Variants in TGM6 observed in about 807,000 individuals in gnomAD.
TGM6 encodes transglutaminase 6, also known as protein-glutamine gamma-glutamyltransferase 6.
A neutral mutation model predicts 77.5 loss-of-function variants in TGM6; 74 were observed. The ratio of observed to expected loss-of-function variants is 0.96; its 90% CI spans 0.79 to 1.16. TGM6 has a LOEUF of 1.16. Ranked by LOEUF, TGM6 falls within the 50% of genes most tolerant of loss-of-function variation. The probability of loss-of-function intolerance (pLI) is 0.00; values close to 1 mark genes in which losing one functional copy is unlikely to be tolerated. For missense variants in TGM6, 968 were observed against 940.2 expected (o/e 1.03, Z -0.39); for synonymous variants, 383 against 378.9 (o/e 1.01, Z -0.12).
chr20:2,382,521 A>C (rs189510406), intron 1 of TGM6, among the ~76,000 whole-genome samples: 1 of 152,318 alleles, frequency 6.6e-6, no homozygotes, highest in African/African-American at 2.4e-5. Context: ...GTCTGTAACT[A>C]ACTTGCTGGG....
At chr20:2,413,244 A>G (rs2084795385) in intron 9 of TGM6, among the ~76,000 whole-genome samples, 1 of 152,134 alleles carries the variant, frequency 6.6e-6, no homozygotes, top group South Asian at 2.1e-4. Flanking sequence ...GGACGACTTC[A>G]TCTCTACAAA....
chr20:2,409,706 T>A (rs1397434875), intron 9 of TGM6, among the ~76,000 whole-genome samples: 1 of 143,502 alleles, frequency 7.0e-6, no homozygotes, highest in African/African-American at 2.6e-5. Flanking sequence ...AGCGAGACTG[T>A]CTCAAAAAAA....
intron 7 of TGM6, among the ~76,000 whole-genome samples, chr20:2,402,998 GAGTAGGTCTATAGGGGTTGTT>G (rs1260773251): frequency 6.6e-6 from 1 of 152,114 alleles, no homozygotes; most frequent in Non-Finnish European, 1.5e-5. Flanking sequence ...CATTTACCTA[GAGTAGGTCTATAGGGGTTGTT>G]CTCTAGCTTA....
At chr20:2,417,726 G>A (rs948412427) in intron 10 of TGM6, among the ~76,000 whole-genome samples, 153 bp downstream of exon 10, 16 of 152,132 alleles carry the variant, frequency 1.1e-4, no homozygotes, top group Non-Finnish European at 2.2e-4. Context: ...CTCTTGTCCC[G>A]ACTTTACAGA....
In TGM6 at chr20:2,399,943, C is replaced by T. The variant is rs372786739; in HGVS notation, c.850+205C>T. 1.6e-4 allele frequency among the ~76,000 whole-genome samples: 25 copies of T among 152,274 alleles called. 1 individual carries two copies. The South Asian group carries it at 1.7e-3, about 10-fold the overall frequency. ...TTTATCTTGAAGGAGTCCTAGCTCC[C>T]TCTGTCTCTCATTCATTGAGTGCCT... On this transcript the variant is annotated intron_variant, in intron 6 of 12. Coordinates refer to ENST00000202625, the MANE Select transcript of TGM6 (RefSeq NM_198994.3).
chr20:2,384,912 A>T (rs2084584047), intron 1 of TGM6, among the ~76,000 whole-genome samples: 1 of 151,158 alleles, frequency 6.6e-6, no homozygotes, highest in African/African-American at 2.4e-5. Context: ...CTGGGAGCTC[A>T]TCCTGCATAC....
intron 1 of TGM6, among the ~76,000 whole-genome samples, chr20:2,391,847 A>G (rs1395479406): frequency 6.6e-6 from 1 of 152,120 alleles, no homozygotes; most frequent in Non-Finnish European, 1.5e-5. Context: ...TCTGCCGACT[A>G]TGGGCCCCTC....
In TGM6 at chr20:2,395,178, C is replaced by T; in HGVS notation, c.182-16C>T. The T allele has an allele frequency of 6.2e-7, 1 of 1,611,244 alleles. No individual in the cohort carries two copies. Among genetic ancestry groups the T allele is most frequent in the South Asian group, 1.1e-5 (1 of 90,942 alleles). ...CCCAGGGGAAGGGTCTCCTGATTCC[C>T]TCTCCTCTCCTCCAGGACCCCGGGC... On this transcript the variant is annotated splice_polypyrimidine_tract_variant and intron_variant, in intron 2 of 12. Transcript: ENST00000202625.
intron 1 of TGM6, among the ~76,000 whole-genome samples, chr20:2,385,228 T>C (rs931004311): frequency 2.0e-5 from 3 of 152,134 alleles, no homozygotes; most frequent in Admixed American, 2.0e-4. Context: ...CCGTCTGTGT[T>C]AAGGATGCAG....
chr20:2,403,677 C>A lies in TGM6; in HGVS notation c.1190C>A (p.Ala397Asp), dbSNP rs766380908. 6.2e-7 allele frequency: 1 copy of A among 1,614,228 alleles called. No homozygotes were observed. The highest frequency in any genetic ancestry group is 8.5e-7 in the Non-Finnish European group (1 of 1,180,046). The change falls in exon 9 of 13, where the codon GCC becomes GAC. Residue 397 changes from alanine to aspartate, a missense_variant. Coordinates refer to ENST00000202625, the MANE Select transcript of TGM6 (RefSeq NM_198994.3). ...DGPFVFAEVN[A>D]DYITWLWHED... ...CCCTTCGTGTTTGCGGAGGTCAACG[C>A]CGACTACATCACCTGGCTGTGGCAC...
At chr20:2,414,971 G>T (rs2122403071) in intron 9 of TGM6, among the ~76,000 whole-genome samples, 1 of 150,898 alleles carries the variant, frequency 6.6e-6, no homozygotes, top group South Asian at 2.1e-4. Flanking sequence ...AAATTAGATT[G>T]TGGTGACGGG....
intron 11 of TGM6, 79 bp downstream of exon 11, chr20:2,430,679 G>C (rs889991893): frequency 8.7e-6 from 14 of 1,607,302 alleles, no homozygotes; most frequent in Non-Finnish European, 1.2e-5. Context: ...CAGAAGCTGG[G>C]GGGGTTTGTG....
chr20:2,383,508 G>A (rs1599940587), intron 1 of TGM6, among the ~76,000 whole-genome samples: 1 of 152,284 alleles, frequency 6.6e-6, no homozygotes, highest in South Asian at 2.1e-4. Context: ...TGATGGGCAG[G>A]GCCTGACTGT....
chr20:2,424,553 T>C (rs1337521872), intron 10 of TGM6, among the ~76,000 whole-genome samples: 4 of 152,260 alleles, frequency 2.6e-5, no homozygotes, highest in Non-Finnish European at 5.9e-5. Context: ...ATGTTATGGC[T>C]GGTGTGATCT....
At chr20:2,400,168 C>A in intron 6 of TGM6, 138 bp from the exon 7 acceptor site, 1 of 1,248,690 alleles carries the variant, frequency 8.0e-7, no homozygotes, top group Non-Finnish European at 1.1e-6. Flanking sequence ...GCCCCACAAC[C>A]TGATGAACTA....
chr20:2,402,608 G>T (rs905706284), intron 7 of TGM6, among the ~76,000 whole-genome samples: 1 of 152,322 alleles, frequency 6.6e-6, no homozygotes, highest in South Asian at 2.1e-4. Flanking sequence ...GTTGCCTGCC[G>T]AAGAGGAGTT....
intron 1 of TGM6, among the ~76,000 whole-genome samples, chr20:2,385,810 T>C (rs2084591140): frequency 6.6e-6 from 1 of 152,248 alleles, no homozygotes; most frequent in South Asian, 2.1e-4. Context: ...GATTCATTCA[T>C]TCATCCAACC....
chr20:2,396,662 G>A, intron 4 of TGM6, 38 bp downstream of exon 4: 4 of 1,602,690 alleles, frequency 2.5e-6, no homozygotes, highest in Non-Finnish European at 3.4e-6. Flanking sequence ...ATGTGGGCTG[G>A]GGCATGGGGA....
At position 2,381,278 on chromosome 20, in the gene TGM6, A is replaced by G. The variant is rs2422754; in HGVS notation, c.7+303A>G. On this transcript the variant is annotated intron_variant, in intron 1 of 12. Coordinates refer to ENST00000202625, the MANE Select transcript of TGM6 (RefSeq NM_198994.3). ...CAGGCACAGGAAGGCAGGGGCAGAA[A>G]AAAGAAAATCTCCTTGCACCCCATG... Among the ~76,000 whole-genome samples the G allele has an allele frequency of 0.78, 118,899 of 152,110 alleles. 47,404 individuals are homozygous for G. Among genetic ancestry groups the G allele is most frequent in the African/African-American group, 0.92 (38,349 of 41,516 alleles).
Sources: gnomAD v4.1 joint callset for allele counts (sites outside exome capture counted in the v4.1 genomes callset) on GRCh38, gnomAD v4.1.1 for gene constraint, MANE v1.5 for transcripts, NCBI Gene and HGNC (gene_info 2026-07-23, HGNC 2026-07-21) for gene names.